The following CCBE1 variants were observed in gnomAD, a reference collection of about 807,000 sequenced individuals.
CCBE1 encodes collagen and calcium binding EGF domains 1.
In CCBE1, 37 loss-of-function variants were observed where a neutral mutation model predicts 50.0. The ratio of observed to expected loss-of-function variants is 0.74; its 90% CI spans 0.57 to 0.97. The LOEUF (loss-of-function observed/expected upper bound fraction) is 0.97. CCBE1 is among the 50% of genes least tolerant of loss of function. CCBE1 has a pLI of 0.00. For synonymous variants in CCBE1, 234 were observed against 203.7 expected, an observed-to-expected ratio of 1.15 and a Z score of -1.27; for missense variants, 538 against 523.8, an observed-to-expected ratio of 1.03 and a Z score of -0.26.
At chr18:59,510,777 GATTAAAATA>G (rs1159502531) in intron 2 of CCBE1, among the ~76,000 whole-genome samples, 1 of 152,120 alleles carries the variant, frequency 6.6e-6, no homozygotes, top group Non-Finnish European at 1.5e-5. Flanking sequence ...CTTCCATATT[GATTAAAATA>G]CATTTTTTCC....
At chr18:59,623,081 G>C (rs2053734064) in intron 2 of CCBE1, among the ~76,000 whole-genome samples, 1 of 152,098 alleles carries the variant, frequency 6.6e-6, no homozygotes, top group Non-Finnish European at 1.5e-5. Context: ...CTCTGGAAAG[G>C]GGGCACAGAA....
At chr18:59,510,610 C>T (rs568964104) in intron 2 of CCBE1, among the ~76,000 whole-genome samples, 57 of 151,886 alleles carry the variant, frequency 3.8e-4, no homozygotes, top group Admixed American at 7.9e-4. Context: ...TTAGTAGAGA[C>T]GGGGTTTCAC....
At chr18:59,632,400 C>G (rs1319766274) in intron 2 of CCBE1, among the ~76,000 whole-genome samples, 4 of 151,874 alleles carry the variant, frequency 2.6e-5, no homozygotes, top group African/African-American at 7.3e-5. Context: ...GTGCCTCAGC[C>G]TCAGCTAGGA....
chr18:59,487,894 C>G (rs1013993012), intron 2 of CCBE1, among the ~76,000 whole-genome samples: 3 of 152,176 alleles, frequency 2.0e-5, no homozygotes, highest in African/African-American at 7.2e-5. Flanking sequence ...TATTTGTACA[C>G]CAATGGTCAT....
At chr18:59,612,659 A>G in intron 2 of CCBE1, among the ~76,000 whole-genome samples, 1 of 152,188 alleles carries the variant, frequency 6.6e-6, no homozygotes, top group East Asian at 1.9e-4. Flanking sequence ...ACACCAGCCA[A>G]TAAGTAATGG....
intron 2 of CCBE1, among the ~76,000 whole-genome samples, chr18:59,645,173 G>A (rs1313976458): frequency 6.6e-6 from 1 of 152,236 alleles, no homozygotes; most frequent in Non-Finnish European, 1.5e-5. Context: ...AGACTGCAGT[G>A]AGCCAAGATC....
intron 6 of CCBE1, among the ~76,000 whole-genome samples, chr18:59,452,318 C>T (rs570570061): frequency 2.0e-5 from 3 of 152,298 alleles, no homozygotes; most frequent in Admixed American, 1.3e-4. Flanking sequence ...ACAGGCCAGG[C>T]ACAGTGGCTC....
At chr18:59,643,675 G>A (rs539370731) in intron 2 of CCBE1, among the ~76,000 whole-genome samples, 3 of 152,230 alleles carry the variant, frequency 2.0e-5, no homozygotes, top group African/African-American at 7.2e-5. Flanking sequence ...CAAAAAATTA[G>A]CCAAGTGTGG....
chr18:59,539,674 C>A (rs1350958844), intron 2 of CCBE1, among the ~76,000 whole-genome samples: 1 of 152,202 alleles, frequency 6.6e-6, no homozygotes, highest in Non-Finnish European at 1.5e-5. Flanking sequence ...CATCATGATT[C>A]TCTAAGGCTG....
At chr18:59,483,427 T>C (rs567715756) in intron 2 of CCBE1, among the ~76,000 whole-genome samples, 20 of 152,338 alleles carry the variant, frequency 1.3e-4, no homozygotes, top group Admixed American at 4.6e-4. Context: ...ATCTGAAATC[T>C]GAAATGTTTC....
At chr18:59,501,689 A>G (rs979355976) in intron 2 of CCBE1, among the ~76,000 whole-genome samples, 1 of 152,146 alleles carries the variant, frequency 6.6e-6, no homozygotes, top group African/African-American at 2.4e-5. Flanking sequence ...AAAACTAAAG[A>G]TCTTTGGTTC....
chr18:59,634,371 C>G lies in CCBE1; in HGVS notation c.212+62258G>C, dbSNP rs12606973. 9.0e-3 allele frequency among the ~76,000 whole-genome samples: 1,371 copies of G among 152,332 alleles called. 29 individuals carry two copies. Among genetic ancestry groups the G allele is most frequent in the East Asian group, 0.037 (194 of 5,190 alleles). On this transcript the variant is annotated intron_variant, in intron 2 of 10. Coordinates refer to ENST00000439986, the MANE Select transcript of CCBE1 (RefSeq NM_133459.4). Reference sequence around the variant, plus strand: ...CACAGCTTCAGGGACTGCATTTAGACTAAATGCATGACCTGCGATCCCTAA... The same window carrying G: ...CACAGCTTCAGGGACTGCATTTAGAGTAAATGCATGACCTGCGATCCCTAA...
intron 2 of CCBE1, among the ~76,000 whole-genome samples, chr18:59,590,388 A>G (rs1314460904): frequency 6.6e-6 from 1 of 152,224 alleles, no homozygotes; most frequent in Non-Finnish European, 1.5e-5. Flanking sequence ...AAGGTAAACA[A>G]TAAAAAGATA....
At chr18:59,594,576 A>G (rs1310500370) in intron 2 of CCBE1, among the ~76,000 whole-genome samples, 3 of 152,218 alleles carry the variant, frequency 2.0e-5, no homozygotes, top group Middle Eastern at 3.2e-3. Flanking sequence ...TAAGGCATCA[A>G]AAATACCCTT....
chr18:59,672,455 C>T (rs2054444875), intron 2 of CCBE1, among the ~76,000 whole-genome samples: 1 of 152,192 alleles, frequency 6.6e-6, no homozygotes, highest in African/African-American at 2.4e-5. Flanking sequence ...TGTCTCTGCA[C>T]TTGGAATGCT....
chr18:59,574,159 T>C (rs1240834713), intron 2 of CCBE1, among the ~76,000 whole-genome samples: 1 of 152,094 alleles, frequency 6.6e-6, no homozygotes, highest in Non-Finnish European at 1.5e-5. Flanking sequence ...CACTAGTGCC[T>C]CCCATGTGAT....
chr18:59,576,591 T>C (rs1173134240), intron 2 of CCBE1, among the ~76,000 whole-genome samples: 1 of 152,188 alleles, frequency 6.6e-6, no homozygotes, highest in Non-Finnish European at 1.5e-5. Flanking sequence ...CTTATTTTGA[T>C]TGTGACAAAA....
At chr18:59,605,962 G>A (rs753570065) in intron 2 of CCBE1, among the ~76,000 whole-genome samples, 4 of 152,114 alleles carry the variant, frequency 2.6e-5, no homozygotes, top group Non-Finnish European at 5.9e-5. Flanking sequence ...AAGAGAAATC[G>A]CGATGCTCGA....
chr18:59,524,107 G>A (rs1032006193), intron 2 of CCBE1, among the ~76,000 whole-genome samples: 4 of 152,132 alleles, frequency 2.6e-5, no homozygotes, highest in Non-Finnish European at 5.9e-5. Context: ...GATTGCTTGA[G>A]GTCAGGAGTT....
Sources: gnomAD v4.1 joint callset for allele counts (sites outside exome capture counted in the v4.1 genomes callset) on GRCh38, gnomAD v4.1.1 for gene constraint, MANE v1.5 for transcripts, NCBI Gene and HGNC (gene_info 2026-07-23, HGNC 2026-07-21) for gene names.